Variants in PBX1 observed in about 807,000 individuals in gnomAD.
PBX1 encodes pre-B-cell leukemia transcription factor 1.
PBX1 carries 6 observed loss-of-function variants against 53.4 expected under a neutral mutation model. The observed-to-expected ratio is 0.11, with a 90% CI of 0.06 to 0.22. PBX1 has a LOEUF of 0.22. Ranked by LOEUF, PBX1 falls within the 10% of genes least tolerant of loss-of-function variation. The pLI is 1.00. For synonymous variants in PBX1, 204 were observed against 212.3 expected, an observed-to-expected ratio of 0.96 and a Z score of 0.34; for missense variants, 251 against 551.4, an observed-to-expected ratio of 0.46 and a Z score of 5.46.
At chr1:164,800,201 A>G (rs569926857) in intron 4 of PBX1, among the ~76,000 whole-genome samples, 2 of 152,120 alleles carry the variant, frequency 1.3e-5, no homozygotes, top group East Asian at 1.9e-4. Flanking sequence ...TCTTATAACT[A>G]TGGGCCTGCA....
chr1:164,844,802 G>C (rs74118235), intron 8 of PBX1, among the ~76,000 whole-genome samples: 1 of 152,094 alleles, frequency 6.6e-6, no homozygotes, highest in Non-Finnish European at 1.5e-5. Context: ...CTTGATTCTG[G>C]TTATACTACA....
chr1:164,745,619 C>T (rs1329807588), intron 2 of PBX1, among the ~76,000 whole-genome samples: 1 of 152,168 alleles, frequency 6.6e-6, no homozygotes, highest in African/African-American at 2.4e-5. Context: ...GCAACAATAT[C>T]AGTTCAATAG....
intron 2 of PBX1, among the ~76,000 whole-genome samples, chr1:164,609,118 G>T (rs1019682354): frequency 1.3e-5 from 2 of 151,982 alleles, no homozygotes; most frequent in African/African-American, 2.4e-5. Context: ...AGGGCCAGAG[G>T]TGTCAGACTT....
chr1:164,820,651 G>T (rs1328413428), intron 7 of PBX1, among the ~76,000 whole-genome samples: 4 of 152,150 alleles, frequency 2.6e-5, no homozygotes, highest in Non-Finnish European at 5.9e-5. Flanking sequence ...ACCCAGCCAG[G>T]TTGACTAAAT....
intron 2 of PBX1, among the ~76,000 whole-genome samples, chr1:164,880,003 G>A (rs1017418790): frequency 6.6e-6 from 1 of 152,152 alleles, no homozygotes; most frequent in Non-Finnish European, 1.5e-5. Flanking sequence ...CTATTTTGAT[G>A]TATTGAAATC....
intron 2 of PBX1, among the ~76,000 whole-genome samples, chr1:164,673,085 CCTT>C (rs1201005210): frequency 1.3e-5 from 2 of 152,218 alleles, no homozygotes; most frequent in East Asian, 3.9e-4. Flanking sequence ...TATATAGGGT[CCTT>C]CTTTGAGGGA....
At chr1:164,722,639 C>G (rs1160068029) in intron 2 of PBX1, among the ~76,000 whole-genome samples, 1 of 152,202 alleles carries the variant, frequency 6.6e-6, no homozygotes, top group Non-Finnish European at 1.5e-5. Context: ...CCCTCCTCTT[C>G]CACTGACCAT....
intron 2 of PBX1, among the ~76,000 whole-genome samples, chr1:164,592,885 T>A (rs1024098254): frequency 2.6e-5 from 4 of 152,130 alleles, no homozygotes; most frequent in African/African-American, 9.7e-5. Flanking sequence ...CTGCTCTCTC[T>A]CCTTCCCCAC....
At chr1:164,686,600 C>G (rs559483220) in intron 2 of PBX1, among the ~76,000 whole-genome samples, 19 of 152,260 alleles carry the variant, frequency 1.2e-4, no homozygotes, top group African/African-American at 4.6e-4. Flanking sequence ...TCCTTGTGTT[C>G]ACAGAAGTGA....
intron 2 of PBX1, among the ~76,000 whole-genome samples, chr1:164,759,620 A>C (rs1353399971): frequency 6.6e-6 from 1 of 152,214 alleles, no homozygotes. Context: ...AGAAAGTATC[A>C]TTCCAATTTG....
Position 164,559,750 on chromosome 1 carries a change from A to C in PBX1, c.-73A>C. The stretch of plus-strand genomic sequence containing the variant: ...TTGAAGACAAGCTTGAAGGATAAAA[A>C]GCCTTGGTGCTTCCCAGGAGCCGAG... On this transcript the variant is annotated 5_prime_UTR_variant, in exon 1 of 9. Coordinates refer to ENST00000420696, the MANE Select transcript of PBX1 (RefSeq NM_002585.4). 8.5e-7 allele frequency: 1 copy of C among 1,170,582 alleles called. No homozygotes were observed. Among genetic ancestry groups the C allele is most frequent in the Non-Finnish European group, 1.2e-6 (1 of 849,570 alleles). 72.5% of individuals were successfully genotyped at this position (1,170,582 alleles called of 1,614,324 possible).
intron 2 of PBX1, among the ~76,000 whole-genome samples, chr1:164,650,571 C>T (rs1659742769): frequency 6.6e-6 from 1 of 152,156 alleles, no homozygotes; most frequent in African/African-American, 2.4e-5. Context: ...CTGATTTAGT[C>T]TGTTTACAGT....
Position 164,850,287 on chromosome 1 carries a change from A to G in PBX1, c.*3611A>G, listed in dbSNP as rs934262098. ...GCTAGAAAAGTGTCGAGTTGTGCAC[A>G]TCCATTTCTTGTTTCACAATGTTTA... is the stretch of plus-strand genomic sequence containing the variant. On this transcript the variant is annotated 3_prime_UTR_variant, in exon 9 of 9. Coordinates refer to ENST00000420696, the MANE Select transcript of PBX1 (RefSeq NM_002585.4). 4 of 218,994 alleles carry G rather than the reference A, an allele frequency of 1.8e-5. No individual in the cohort carries two copies. The highest frequency in any genetic ancestry group is 3.7e-5 in the Non-Finnish European group (4 of 109,502). 13.6% of individuals were successfully genotyped at this position (218,994 alleles called of 1,614,324 possible). A position where few individuals can be genotyped will look rare whatever the true frequency, so the allele number is the denominator to read the frequency against.
At chr1:164,706,751 G>A (rs1313082135) in intron 2 of PBX1, among the ~76,000 whole-genome samples, 1 of 152,138 alleles carries the variant, frequency 6.6e-6, no homozygotes, top group African/African-American at 2.4e-5. Context: ...TCTGAGTCAG[G>A]CACACATAAC....
chr1:164,661,330 A>T (rs567906385), intron 2 of PBX1, among the ~76,000 whole-genome samples: 2 of 151,924 alleles, frequency 1.3e-5, no homozygotes, highest in African/African-American at 4.8e-5. Flanking sequence ...GAGGGATAAC[A>T]TTACCAATGG....
At chr1:164,771,000 C>T (rs1667339523) in intron 2 of PBX1, 1 of 151,936 alleles carries the variant, frequency 6.6e-6, no homozygotes, top group African/African-American at 2.4e-5. Flanking sequence ...CACTTCACTC[C>T]CAGGCCTCCT....
intron 2 of PBX1, among the ~76,000 whole-genome samples, chr1:164,718,505 A>AT (rs768447907): frequency 6.6e-6 from 1 of 152,186 alleles, no homozygotes; most frequent in Non-Finnish European, 1.5e-5. Flanking sequence ...AACCAGGGGT[A>AT]TTTAAGATTT....
At chr1:164,870,356 T>TCTCTCTTC (rs1672352185) in intron 2 of PBX1, among the ~76,000 whole-genome samples, 1 of 80,178 alleles carries the variant, frequency 1.2e-5, no homozygotes, top group African/African-American at 4.2e-5. Flanking sequence ...TTTCTTTCTT[T>TCTCTCTTC]CTTTCGAGAT....
intron 2 of PBX1, among the ~76,000 whole-genome samples, chr1:164,867,477 T>G (rs1449517182): frequency 1.3e-5 from 2 of 152,190 alleles, no homozygotes; most frequent in African/African-American, 4.8e-5. Context: ...CATTTGTGAT[T>G]TGAAAATTCA....
Sources: gnomAD v4.1 joint callset for allele counts (sites outside exome capture counted in the v4.1 genomes callset) on GRCh38, gnomAD v4.1.1 for gene constraint, MANE v1.5 for transcripts, NCBI Gene and HGNC (gene_info 2026-07-23, HGNC 2026-07-21) for gene names.